GPR137B: variants seen among roughly 807,000 people sequenced by gnomAD.
GPR137B encodes the protein G protein-coupled receptor 137B.
Under a neutral mutation model 42.5 loss-of-function variants are expected in GPR137B, and 42 were observed. The ratio of observed to expected loss-of-function variants is 0.99; its 90% CI spans 0.77 to 1.28. GPR137B has a LOEUF of 1.28. GPR137B is among the 50% of genes most tolerant of loss of function. The pLI, the probability that GPR137B is intolerant of heterozygous loss-of-function variation, is 0.00. For missense variants in GPR137B, 487 were observed against 493.9 expected (o/e 0.99, Z 0.13); for synonymous variants, 218 against 209.7 (o/e 1.04, Z -0.34).
At chr1:236,196,236 T>A (rs1282375545) in intron 5 of GPR137B, among the ~76,000 whole-genome samples, 1 of 152,092 alleles carries the variant, frequency 6.6e-6, no homozygotes, top group Non-Finnish European at 1.5e-5. Flanking sequence ...GCTTTCTGGG[T>A]TCAAGTGATT....
At chr1:236,202,734 C>T (rs1045369902) in intron 5 of GPR137B, among the ~76,000 whole-genome samples, 20 of 150,754 alleles carry the variant, frequency 1.3e-4, no homozygotes, top group Non-Finnish European at 2.9e-5. Flanking sequence ...AGCCCCAAAC[C>T]TCTGCCATGA....
chr1:236,154,601 G>A (rs138341344), intron 1 of GPR137B, among the ~76,000 whole-genome samples: 12 of 151,900 alleles, frequency 7.9e-5, no homozygotes, highest in Non-Finnish European at 1.2e-4. Context: ...TTCTCTCGGT[G>A]GCAGGACACA....
At chr1:236,203,259 A>G (rs922800933) in intron 5 of GPR137B, among the ~76,000 whole-genome samples, 4 of 151,930 alleles carry the variant, frequency 2.6e-5, no homozygotes, top group African/African-American at 7.3e-5. Flanking sequence ...TTGTATTTTT[A>G]GTAGAGATGG....
intron 2 of GPR137B, among the ~76,000 whole-genome samples, chr1:236,169,979 G>A (rs1662483785): frequency 6.7e-6 from 1 of 148,560 alleles, no homozygotes; most frequent in South Asian, 2.1e-4. Flanking sequence ...GGCAGAGGTT[G>A]CAGTAAGCCA....
chr1:236,169,210 G>GCAGGTGCAGGTA (rs1553362957), intron 2 of GPR137B, among the ~76,000 whole-genome samples: 16 of 133,374 alleles, frequency 1.2e-4, no homozygotes, highest in Non-Finnish European at 2.1e-4. Context: ...AGGTGCAGGT[G>GCAGGTGCAGGTA]CAGGTACAGG....
intron 1 of GPR137B, among the ~76,000 whole-genome samples, chr1:236,148,040 T>C (rs1178531284): frequency 6.6e-6 from 1 of 152,176 alleles, no homozygotes; most frequent in Non-Finnish European, 1.5e-5. Flanking sequence ...GAGCTTCTGC[T>C]CCCGGCTGCA....
In GPR137B at chr1:236,183,806, C is replaced by G; in HGVS notation, c.866C>G (p.Ala289Gly). The change falls in exon 5 of 7, where the codon GCT becomes GGT. Residue 289 changes from alanine (A) to glycine (G), a missense_variant. Ala to Gly is a moderately conservative substitution (Grantham distance 60, BLOSUM62 0). Transcript: ENST00000366592. ...QADLKNQLGDAGYVLFGVVLF... is the reference protein window; with the variant it reads ...QADLKNQLGDGGYVLFGVVLF... The stretch of plus-strand genomic sequence containing the variant: ...GATTTGAAGAATCAGCTGGGAGATG[C>G]TGGATACGTATTATTTGGAGTGGTG... 6.2e-7 allele frequency: 1 copy of G among 1,605,988 alleles called. No homozygotes were observed. The highest frequency in any genetic ancestry group is 8.5e-7 in the Non-Finnish European group (1 of 1,172,958).
chr1:236,149,471 G>T (rs76428857), intron 1 of GPR137B, among the ~76,000 whole-genome samples: 1 of 152,180 alleles, frequency 6.6e-6, no homozygotes, highest in African/African-American at 2.4e-5. Context: ...TGCTGGTAGG[G>T]AACTAAGAGG....
intron 2 of GPR137B, among the ~76,000 whole-genome samples, chr1:236,173,462 C>T (rs1164987595): frequency 1.3e-5 from 2 of 151,222 alleles, no homozygotes; most frequent in East Asian, 2.0e-4. Flanking sequence ...AGGAAGGAAT[C>T]GATGGTATTG....
chr1:236,201,462 G>A (rs1207296767), intron 5 of GPR137B, among the ~76,000 whole-genome samples: 1 of 151,982 alleles, frequency 6.6e-6, no homozygotes, highest in African/African-American at 2.4e-5. Context: ...TGGAGGCTCT[G>A]TTCATTTTGT....
chr1:236,196,338 C>G (rs1462371643), intron 5 of GPR137B, among the ~76,000 whole-genome samples: 2 of 152,066 alleles, frequency 1.3e-5, no homozygotes, highest in East Asian at 3.8e-4. Flanking sequence ...TGGGTCTTCA[C>G]CGTGTTGGCC....
At chr1:236,164,128 T>C (rs1662277699) in intron 1 of GPR137B, among the ~76,000 whole-genome samples, 1 of 152,170 alleles carries the variant, frequency 6.6e-6, no homozygotes, top group African/African-American at 2.4e-5. Flanking sequence ...ATTACTGACA[T>C]GTCTGTCTGC....
At chr1:236,153,881 A>G (rs748017224) in intron 1 of GPR137B, among the ~76,000 whole-genome samples, 5 of 152,226 alleles carry the variant, frequency 3.3e-5, no homozygotes, top group Non-Finnish European at 5.9e-5. Context: ...ATCTCACTGT[A>G]ATGAAATCAA....
intron 1 of GPR137B, among the ~76,000 whole-genome samples, chr1:236,167,122 T>C (rs1052154256): frequency 3.3e-5 from 5 of 152,190 alleles, no homozygotes; most frequent in African/African-American, 9.6e-5. Flanking sequence ...CCCGGCTTCA[T>C]TGAAGTATAA....
chr1:236,195,895 GC>G (rs1437596572), intron 5 of GPR137B, among the ~76,000 whole-genome samples: 1 of 152,026 alleles, frequency 6.6e-6, no homozygotes, highest in Non-Finnish European at 1.5e-5. Context: ...TCTGTATGTT[GC>G]CTTTCGAGAA....
intron 5 of GPR137B, among the ~76,000 whole-genome samples, chr1:236,192,180 C>T (rs527319936): frequency 2.8e-4 from 42 of 152,288 alleles, no homozygotes; most frequent in Non-Finnish European, 5.3e-4. Flanking sequence ...CCACACCAAG[C>T]TTGAGTGTCC....
At chr1:236,144,200 T>TACAA (rs1336186180) in intron 1 of GPR137B, among the ~76,000 whole-genome samples, 2 of 152,018 alleles carry the variant, frequency 1.3e-5, no homozygotes, top group Non-Finnish European at 2.9e-5. Context: ...GGATCGCTTG[T>TACAA]GTCCCTGAGT....
In GPR137B at chr1:236,142,594, C is replaced by CGCGGGG. The variant is rs995615560; in HGVS notation, c.-24_-19dup. ...GCTGAGCGCGATGCGCGGAGACCCC[C>CGCGGGG]GCGGGGGCGGCGGCGGCCGTGAGCC... On this transcript the variant is annotated 5_prime_UTR_variant, in exon 1 of 7. Coordinates refer to ENST00000366592, the MANE Select transcript of GPR137B (RefSeq NM_003272.4). 2.3e-5 allele frequency: 29 copies of CGCGGGG among 1,282,940 alleles called. No homozygotes were observed. Among genetic ancestry groups the CGCGGGG allele is most frequent in the Non-Finnish European group, 2.8e-5 (28 of 1,017,364 alleles). The allele number at this position is 1,282,940 out of a possible 1,614,324, so 79.5% of individuals were successfully genotyped here.
At chr1:236,152,392 G>T (rs1038493261) in intron 1 of GPR137B, among the ~76,000 whole-genome samples, 2 of 151,940 alleles carry the variant, frequency 1.3e-5, no homozygotes, top group African/African-American at 4.8e-5. Context: ...AACTTGGGAG[G>T]TCAAGGCTGC....
Sources: allele counts gnomAD v4.1 joint callset (sites outside exome capture counted in the v4.1 genomes callset), GRCh38; gene constraint gnomAD v4.1.1; transcripts MANE v1.5; gene names NCBI Gene and HGNC (gene_info 2026-07-23, HGNC 2026-07-21).